EPHB1: variants seen among roughly 807,000 people sequenced by gnomAD.
EPHB1 encodes EPH receptor B1, also known as ephrin type-B receptor 1.
In EPHB1, 30 loss-of-function variants were observed where a neutral mutation model predicts 94.4. The observed-to-expected ratio is 0.32, with a 90% CI of 0.24 to 0.43. EPHB1 has a LOEUF of 0.43. Ranked by LOEUF, EPHB1 falls within the 20% of genes least tolerant of loss-of-function variation. The pLI, the probability that EPHB1 is intolerant of heterozygous loss-of-function variation, is 1.00. For missense variants in EPHB1, 1,055 were observed against 1,308.3 expected (o/e 0.81, Z 2.99); for synonymous variants, 522 against 489.1 (o/e 1.07, Z -0.89).
intron 1 of EPHB1, among the ~76,000 whole-genome samples, chr3:134,811,242 G>GGTTTTTTTTTTTTTTT (rs2036168294): frequency 6.8e-5 from 5 of 73,848 alleles, no homozygotes; most frequent in African/African-American, 2.1e-4. Context: ...TACTAAGAAG[G>GGTTTTTTTTTTTTTTT]TTTTTTTTTT....
chr3:134,896,762 C>T (rs528380685), intron 1 of EPHB1, among the ~76,000 whole-genome samples: 1 of 152,250 alleles, frequency 6.6e-6, no homozygotes, highest in Non-Finnish European at 1.5e-5. Context: ...TGCTGGAAAG[C>T]ACCACAGGTT....
chr3:134,893,346 G>T (rs879547929), intron 1 of EPHB1, among the ~76,000 whole-genome samples: 2 of 152,180 alleles, frequency 1.3e-5, no homozygotes, highest in African/African-American at 4.8e-5. Context: ...ACACTTCAGT[G>T]GTTTCCTTTT....
intron 12 of EPHB1, among the ~76,000 whole-genome samples, chr3:135,208,067 C>A (rs189623543): frequency 2.0e-5 from 3 of 152,148 alleles, no homozygotes; most frequent in African/African-American, 7.2e-5. Context: ...TCTGCCCCAA[C>A]TAAATGTGGC....
intron 3 of EPHB1, among the ~76,000 whole-genome samples, chr3:135,080,705 T>C (rs1938134612): frequency 1.3e-5 from 2 of 152,140 alleles, no homozygotes; most frequent in South Asian, 4.1e-4. Flanking sequence ...ACACCTTCCC[T>C]GTACTTTGAT....
At chr3:135,081,821 T>G (rs148118696) in intron 3 of EPHB1, among the ~76,000 whole-genome samples, 2 of 152,172 alleles carry the variant, frequency 1.3e-5, no homozygotes, top group Non-Finnish European at 2.9e-5. Context: ...TGATCATGGA[T>G]GCAGAGTCAG....
At chr3:134,816,395 A>AC (rs568983857) in intron 1 of EPHB1, among the ~76,000 whole-genome samples, 1,529 of 151,632 alleles carry the variant, frequency 0.01, 32 homozygotes, top group African/African-American at 0.036. Flanking sequence ...GCCTGGCTGG[A>AC]TTTTTTTCCT....
chr3:135,164,480 A>G (rs1168527110), intron 7 of EPHB1, among the ~76,000 whole-genome samples: 1 of 152,196 alleles, frequency 6.6e-6, no homozygotes, highest in African/African-American at 2.4e-5. Context: ...AGTCGGGCTC[A>G]GGTAATTCTG....
intron 3 of EPHB1, among the ~76,000 whole-genome samples, chr3:135,087,472 AATG>A: frequency 6.6e-6 from 1 of 152,208 alleles, no homozygotes; most frequent in East Asian, 1.9e-4. Flanking sequence ...TTATTAGCCT[AATG>A]ATGATGAAAT....
intron 2 of EPHB1, among the ~76,000 whole-genome samples, chr3:134,926,376 C>T (rs1317894977): frequency 6.6e-6 from 1 of 152,176 alleles, no homozygotes; most frequent in Non-Finnish European, 1.5e-5. Context: ...CCTGTGGGAA[C>T]CAGTGTGTGG....
chr3:135,025,158 C>G (rs1308953184), intron 3 of EPHB1, among the ~76,000 whole-genome samples: 2 of 66,592 alleles, frequency 3.0e-5, no homozygotes, highest in Non-Finnish European at 5.8e-5. Context: ...TCCCTCCTTC[C>G]TTCTTTCTTT....
At chr3:135,038,138 C>T (rs1559804675) in intron 3 of EPHB1, among the ~76,000 whole-genome samples, 1 of 152,198 alleles carries the variant, frequency 6.6e-6, no homozygotes, top group African/African-American at 2.4e-5. Context: ...AGTCCAAGCT[C>T]CACTGGGGTA....
intron 3 of EPHB1, among the ~76,000 whole-genome samples, chr3:135,100,539 T>C (rs946088435): frequency 9.2e-5 from 14 of 152,216 alleles, no homozygotes; most frequent in Non-Finnish European, 1.6e-4. Flanking sequence ...AAATGCTTTG[T>C]AACCTGATGC....
At chr3:135,220,440 G>C (rs940175752) in intron 12 of EPHB1, among the ~76,000 whole-genome samples, 1 of 152,070 alleles carries the variant, frequency 6.6e-6, no homozygotes, top group Non-Finnish European at 1.5e-5. Context: ...GATCCATGTC[G>C]ACTTCTAATA....
chr3:134,959,693 A>G (rs2107720849), intron 3 of EPHB1, among the ~76,000 whole-genome samples: 1 of 152,302 alleles, frequency 6.6e-6, no homozygotes, highest in South Asian at 2.1e-4. Context: ...CCAGCAGATA[A>G]TACACAGCCC....
intron 1 of EPHB1, among the ~76,000 whole-genome samples, chr3:134,861,839 A>G (rs1337110128): frequency 6.6e-6 from 1 of 152,148 alleles, no homozygotes; most frequent in African/African-American, 2.4e-5. Flanking sequence ...TATGTAACAA[A>G]CCTGCATGTC....
At chr3:135,079,411 C>T (rs1559821514) in intron 3 of EPHB1, among the ~76,000 whole-genome samples, 1 of 152,206 alleles carries the variant, frequency 6.6e-6, no homozygotes, top group South Asian at 2.1e-4. Context: ...AAAAGGGGCT[C>T]ATGCCTCAAT....
intron 3 of EPHB1, among the ~76,000 whole-genome samples, chr3:135,019,940 A>G (rs1935932041): frequency 6.6e-6 from 1 of 152,198 alleles, no homozygotes; most frequent in Non-Finnish European, 1.5e-5. Flanking sequence ...GTACTTGGCA[A>G]TGAGTCTGGA....
At chr3:135,230,817 A>ATATT (rs1183827766) in intron 12 of EPHB1, among the ~76,000 whole-genome samples, 1 of 152,058 alleles carries the variant, frequency 6.6e-6, no homozygotes, top group Non-Finnish European at 1.5e-5. Context: ...AGAATGTGTG[A>ATATT]TATTTGGTTT....
chr3:135,135,115 A>G (rs1009365894), intron 5 of EPHB1, among the ~76,000 whole-genome samples: 14 of 152,106 alleles, frequency 9.2e-5, no homozygotes, highest in African/African-American at 3.4e-4. Flanking sequence ...AATCTTAATC[A>G]TCCCCGATTT....
Sources: allele counts gnomAD v4.1 joint callset (sites outside exome capture counted in the v4.1 genomes callset), GRCh38; gene constraint gnomAD v4.1.1; transcripts MANE v1.5; gene names NCBI Gene and HGNC (gene_info 2026-07-23, HGNC 2026-07-21).